Variants in SLC35F4 observed in about 807,000 individuals in gnomAD.
The protein encoded by SLC35F4 is solute carrier family 35 member F4.
A neutral mutation model predicts 44.2 loss-of-function variants in SLC35F4; 24 were observed. The ratio of observed to expected loss-of-function variants is 0.54; its 90% CI spans 0.39 to 0.76. SLC35F4 has a LOEUF of 0.76. Among genes scored for constraint, SLC35F4 ranks in the 30% least tolerant of loss-of-function variants. The pLI, the probability that SLC35F4 is intolerant of heterozygous loss-of-function variation, is 0.00. For missense variants in SLC35F4, 562 were observed against 586.1 expected (o/e 0.96, Z 0.42); for synonymous variants, 238 against 223.6 (o/e 1.06, Z -0.57).
intron 1 of SLC35F4, among the ~76,000 whole-genome samples, chr14:57,896,420 C>A (rs895195797): frequency 6.6e-6 from 1 of 152,100 alleles, no homozygotes; most frequent in Non-Finnish European, 1.5e-5. Flanking sequence ...GTGATAAGAT[C>A]AAAATGCGTT....
Position 57,564,038 on chromosome 14 carries a change from T to C in SLC35F4, c.*97A>G, listed in dbSNP as rs2068083468. On this transcript the variant is annotated 3_prime_UTR_variant, in exon 8 of 8. Transcript: ENST00000556826. ...TTATTTCACATATGATTTATCCAAATTCAGAGTTAATACTGTCGTTTGAGT... is the reference window on the plus strand; with the variant it reads ...TTATTTCACATATGATTTATCCAAACTCAGAGTTAATACTGTCGTTTGAGT... The C allele has an allele frequency of 7.4e-7, 1 of 1,353,768 alleles. No homozygotes were observed. The highest frequency in any genetic ancestry group is 1.0e-6 in the Non-Finnish European group (1 of 995,296). 83.9% of individuals were successfully genotyped at this position (1,353,768 alleles called of 1,614,324 possible). A position where few individuals can be genotyped will look rare whatever the true frequency, so the allele number is the denominator to read the frequency against.
At chr14:57,937,410 T>C (rs908249487) in intron 1 of SLC35F4, among the ~76,000 whole-genome samples, 1 of 152,062 alleles carries the variant, frequency 6.6e-6, no homozygotes, top group African/African-American at 2.4e-5. Flanking sequence ...CTAGTCACAG[T>C]AGTCTCATTG....
intron 1 of SLC35F4, among the ~76,000 whole-genome samples, chr14:57,759,122 A>C (rs1193122607): frequency 6.6e-6 from 1 of 152,134 alleles, no homozygotes; most frequent in Non-Finnish European, 1.5e-5. Context: ...TATTTTCTCT[A>C]TTCATCTACT....
intron 1 of SLC35F4, among the ~76,000 whole-genome samples, chr14:57,829,917 G>T (rs1297483498): frequency 6.6e-6 from 1 of 152,138 alleles, no homozygotes; most frequent in Non-Finnish European, 1.5e-5. Context: ...TTTTTAACAG[G>T]AGAGTGACTT....
chr14:57,678,570 C>T (rs865936415), intron 1 of SLC35F4, among the ~76,000 whole-genome samples: 9 of 151,874 alleles, frequency 5.9e-5, no homozygotes, highest in African/African-American at 2.2e-4. Context: ...AAGACACAGA[C>T]CCACAAATTG....
intron 1 of SLC35F4, among the ~76,000 whole-genome samples, chr14:57,861,654 C>T (rs1408017909): frequency 6.6e-6 from 1 of 152,160 alleles, no homozygotes; most frequent in Non-Finnish European, 1.5e-5. Context: ...CACCCATGAC[C>T]TTTAATTGTC....
chr14:57,736,527 G>A (rs764841360), intron 1 of SLC35F4, among the ~76,000 whole-genome samples: 1 of 152,168 alleles, frequency 6.6e-6, no homozygotes, highest in Non-Finnish European at 1.5e-5. Context: ...CCCCCACGAT[G>A]TTGCAGTGAG....
intron 1 of SLC35F4, among the ~76,000 whole-genome samples, chr14:57,902,821 A>G (rs1889030517): frequency 6.6e-6 from 1 of 152,120 alleles, no homozygotes; most frequent in African/African-American, 2.4e-5. Flanking sequence ...ATTTTGTGCC[A>G]TCTGCATGGA....
intron 1 of SLC35F4, among the ~76,000 whole-genome samples, chr14:57,613,045 C>T (rs1162277994): frequency 1.3e-5 from 2 of 152,214 alleles, no homozygotes; most frequent in African/African-American, 4.8e-5. Flanking sequence ...ATGCCATTAA[C>T]TCTAAGGAGC....
chr14:57,911,498 G>T (rs944511414), intron 1 of SLC35F4, among the ~76,000 whole-genome samples: 4 of 151,870 alleles, frequency 2.6e-5, no homozygotes, highest in Non-Finnish European at 4.4e-5. Context: ...TCATGAATGG[G>T]TGTTGGATTT....
intron 1 of SLC35F4, among the ~76,000 whole-genome samples, chr14:57,836,418 G>A (rs1381321535): frequency 2.6e-5 from 4 of 151,990 alleles, no homozygotes; most frequent in South Asian, 4.2e-4. Context: ...TCAGCCTCCC[G>A]AGTAGCTGGG....
chr14:57,939,534 T>C (rs1012475409), intron 1 of SLC35F4, among the ~76,000 whole-genome samples: 2 of 152,162 alleles, frequency 1.3e-5, no homozygotes, highest in Non-Finnish European at 2.9e-5. Context: ...TAAGATCATG[T>C]AAAGCCACCC....
At chr14:57,979,425 A>G (rs1272562308) in intron 1 of SLC35F4, among the ~76,000 whole-genome samples, 3 of 152,194 alleles carry the variant, frequency 2.0e-5, no homozygotes, top group East Asian at 3.9e-4. Flanking sequence ...TTCTTATTCC[A>G]GCTGGTGTCA....
intron 1 of SLC35F4, among the ~76,000 whole-genome samples, chr14:57,816,522 G>A (rs1238743911): frequency 6.6e-6 from 1 of 152,064 alleles, no homozygotes; most frequent in South Asian, 2.1e-4. Context: ...AAACATATAC[G>A]ATCTCTTAAC....
intron 1 of SLC35F4, among the ~76,000 whole-genome samples, chr14:57,723,087 T>C (rs1292952716): frequency 1.3e-5 from 2 of 152,176 alleles, no homozygotes; most frequent in African/African-American, 4.8e-5. Context: ...CTGACATTGA[T>C]TCCAGGGGAC....
At chr14:57,610,170 G>C (rs1200501316) in intron 1 of SLC35F4, among the ~76,000 whole-genome samples, 1 of 152,182 alleles carries the variant, frequency 6.6e-6, no homozygotes, top group Non-Finnish European at 1.5e-5. Flanking sequence ...ACTACAAAGA[G>C]GGTGAAGACT....
At chr14:57,977,770 G>T (rs970713180) in intron 1 of SLC35F4, among the ~76,000 whole-genome samples, 1 of 152,192 alleles carries the variant, frequency 6.6e-6, no homozygotes, top group Admixed American at 6.5e-5. Flanking sequence ...CAGTAGATGA[G>T]TGCCGACTAT....
At chr14:57,620,871 A>C (rs1357278171) in intron 1 of SLC35F4, among the ~76,000 whole-genome samples, 2 of 152,176 alleles carry the variant, frequency 1.3e-5, no homozygotes, top group African/African-American at 4.8e-5. Context: ...AGAGGAAGTC[A>C]AATTGTCCCT....
chr14:57,852,817 T>C (rs1368263638), intron 1 of SLC35F4, among the ~76,000 whole-genome samples: 1 of 147,432 alleles, frequency 6.8e-6, no homozygotes, highest in Non-Finnish European at 1.5e-5. Context: ...GCACATGACT[T>C]GGAGTTTAGT....
Sources: allele counts gnomAD v4.1 joint callset (sites outside exome capture counted in the v4.1 genomes callset), GRCh38; gene constraint gnomAD v4.1.1; transcripts MANE v1.5; gene names NCBI Gene and HGNC (gene_info 2026-07-23, HGNC 2026-07-21).